ANO1: variants seen among roughly 807,000 people sequenced by gnomAD.
ANO1 encodes anoctamin-1.
ANO1 carries 59 observed loss-of-function variants against 124.0 expected under a neutral mutation model. The ratio of observed to expected loss-of-function variants is 0.48; its 90% confidence interval spans 0.39 to 0.59. The LOEUF (loss-of-function observed/expected upper bound fraction) is 0.59, where lower values mean the gene tolerates loss of function less well. Ranked by LOEUF, ANO1 falls within the 20% of genes least tolerant of loss-of-function variation. The pLI, the probability that ANO1 is intolerant of heterozygous loss-of-function variation, is 0.00. For synonymous variants in ANO1, 529 were observed against 532.0 expected (o/e 0.99, Z 0.08); for missense variants, 1,059 against 1,328.0 (o/e 0.80, Z 3.15).
chr11:70,066,986 G>A (rs923795585), intron 1 of ANO1, among the ~76,000 whole-genome samples: 9 of 152,190 alleles, frequency 5.9e-5, no homozygotes, highest in African/African-American at 1.7e-4. Context: ...CAGTCTGTCC[G>A]GGGTGTCCAG....
At chr11:70,035,815 G>A (rs1209229580) in intron 1 of ANO1, among the ~76,000 whole-genome samples, 1 of 152,062 alleles carries the variant, frequency 6.6e-6, no homozygotes, top group African/African-American at 2.4e-5. Context: ...GAGAATAATG[G>A]TTTCCAGCTT....
chr11:70,106,103 C>T (rs569489314), intron 5 of ANO1, among the ~76,000 whole-genome samples: 15 of 152,206 alleles, frequency 9.9e-5, no homozygotes, highest in African/African-American at 1.7e-4. Context: ...AGAGCCGCCT[C>T]GTGGTGGGAT....
chr11:70,112,553 CT>C (rs11357130), intron 7 of ANO1, among the ~76,000 whole-genome samples: 19,837 of 136,690 alleles, frequency 0.15, 1,332 homozygotes, highest in South Asian at 0.28. Context: ...CTTTTCTTTT[CT>C]TTTTTTTTTT....
At chr11:70,131,815 C>A in intron 10 of ANO1, 104 bp from the exon 11 acceptor site, 1 of 1,401,298 alleles carries the variant, frequency 7.1e-7, no homozygotes, top group Non-Finnish European at 9.6e-7. Flanking sequence ...CCCTCGCCAA[C>A]CCCCAGCTTG....
chr11:70,073,527 AGGATG>A (rs2135145607), upstream of ANO1, among the ~76,000 whole-genome samples: 1 of 152,304 alleles, frequency 6.6e-6, no homozygotes, highest in South Asian at 2.1e-4. Context: ...TAGTGTGCCA[AGGATG>A]GGAAGGAGAG....
At chr11:69,972,128 A>G in the ANO1 span, among the ~76,000 whole-genome samples, 1,421 of 143,562 alleles carry the variant, frequency 9.9e-3, 24 homozygotes, top group African/African-American at 0.034. Context: ...CAGAGGTTGT[A>G]GTGAGCCAAG....
chr11:70,161,990 C>T (rs761241444), intron 18 of ANO1, among the ~76,000 whole-genome samples: 2 of 150,760 alleles, frequency 1.3e-5, no homozygotes, highest in Non-Finnish European at 3.0e-5. Flanking sequence ...AGTGAGGACC[C>T]GGGAGTGAGG....
intron 1 of ANO1, among the ~76,000 whole-genome samples, chr11:70,029,807 C>T (rs1342712065): frequency 7.2e-5 from 11 of 152,234 alleles, no homozygotes; most frequent in South Asian, 6.2e-4. Context: ...TCGAGCTTCC[C>T]GGGCTCCAGG....
At chr11:70,097,125 C>G (rs1302699374) in intron 2 of ANO1, among the ~76,000 whole-genome samples, 1 of 152,150 alleles carries the variant, frequency 6.6e-6, no homozygotes, top group African/African-American at 2.4e-5. Flanking sequence ...TGCTGACTTA[C>G]CTATCATTTA....
the ANO1 span, among the ~76,000 whole-genome samples, chr11:69,974,150 C>T: frequency 6.6e-6 from 1 of 152,058 alleles, no homozygotes; most frequent in East Asian, 1.9e-4. Context: ...GAAACTCCAT[C>T]TCTACTAAAA....
chr11:70,076,445 T>TC (rs2044058315), upstream of ANO1, among the ~76,000 whole-genome samples: 1 of 152,028 alleles, frequency 6.6e-6, no homozygotes. Flanking sequence ...TTTTTTTTTT[T>TC]CATGCAAACT....
At chr11:70,076,279 G>A (rs553260532), upstream of ANO1, among the ~76,000 whole-genome samples, 3 of 152,284 alleles carry the variant, frequency 2.0e-5, no homozygotes, top group South Asian at 4.1e-4. Context: ...AGCCGCAAGG[G>A]GTGCTGTTGG....
intron 1 of ANO1, among the ~76,000 whole-genome samples, chr11:69,988,107 GA>G (rs1856084477): frequency 6.6e-6 from 1 of 152,186 alleles, no homozygotes; most frequent in Admixed American, 6.5e-5. Context: ...AATTCCATGG[GA>G]AGCCTCACAG....
chr11:70,166,417 T>C (rs1200956331), intron 20 of ANO1, among the ~76,000 whole-genome samples: 1 of 152,236 alleles, frequency 6.6e-6, no homozygotes, highest in Admixed American at 6.5e-5. Context: ...CTCCCCATGC[T>C]GGCTGAGGAT....
chr11:70,169,623 C>A (rs1227385129), intron 21 of ANO1, among the ~76,000 whole-genome samples: 1 of 152,138 alleles, frequency 6.6e-6, no homozygotes, highest in African/African-American at 2.4e-5. Flanking sequence ...GCACACACCG[C>A]CCCACATAAG....
intron 9 of ANO1, 68 bp downstream of exon 9, chr11:70,124,482 G>A (rs771347724): frequency 2.7e-6 from 4 of 1,502,834 alleles, no homozygotes; most frequent in Non-Finnish European, 3.7e-6. Flanking sequence ...ACATCCCTGT[G>A]GGTTTCAACC....
chr11:70,137,262 G>C (rs2046986079), intron 11 of ANO1, among the ~76,000 whole-genome samples: 1 of 146,452 alleles, frequency 6.8e-6, no homozygotes, highest in African/African-American at 2.4e-5. Context: ...ATTTCACAGA[G>C]GAGGAAAGTG....
chr11:70,143,651 G>C (rs1220919404), intron 11 of ANO1, among the ~76,000 whole-genome samples: 2 of 152,166 alleles, frequency 1.3e-5, no homozygotes, highest in Non-Finnish European at 2.9e-5. Context: ...AAACACCCCA[G>C]ATTCCCAGAC....
chr11:70,035,626 C>T (rs1296212886), intron 1 of ANO1, among the ~76,000 whole-genome samples: 1 of 151,890 alleles, frequency 6.6e-6, no homozygotes, highest in Non-Finnish European at 1.5e-5. Flanking sequence ...CCCATCAACT[C>T]ATCATCTAAG....
Sources: allele counts gnomAD v4.1 joint callset (sites outside exome capture counted in the v4.1 genomes callset), GRCh38; gene constraint gnomAD v4.1.1; transcripts MANE v1.5; gene names NCBI Gene and HGNC (gene_info 2026-07-23, HGNC 2026-07-21).